Variants in TIMMDC1 observed in about 807,000 individuals in gnomAD.
TIMMDC1 encodes the protein translocase of inner mitochondrial membrane domain containing 1.
A neutral mutation model predicts 32.6 loss-of-function variants in TIMMDC1; 25 were observed. The ratio of observed to expected loss-of-function variants is 0.77; its 90% CI spans 0.56 to 1.07. The LOEUF is 1.07. Ranked by LOEUF, TIMMDC1 falls within the 50% of genes least tolerant of loss-of-function variation. The pLI is 0.00. For synonymous variants in TIMMDC1, 130 were observed against 127.6 expected (o/e 1.02, Z -0.13); for missense variants, 329 against 349.2 (o/e 0.94, Z 0.46).
chr3:119,505,150 T>G (rs1452035779), intron 4 of TIMMDC1, among the ~76,000 whole-genome samples: 1 of 152,060 alleles, frequency 6.6e-6, no homozygotes, highest in Admixed American at 6.5e-5. Context: ...AACGTGTAGG[T>G]TAATTAGCTT....
At chr3:119,500,912 C>A in intron 2 of TIMMDC1, 52 bp downstream of exon 2, 1 of 1,548,276 alleles carries the variant, frequency 6.5e-7, no homozygotes, top group Non-Finnish European at 8.8e-7. Flanking sequence ...TAGTAATTCA[C>A]TTTACACTTA....
chr3:119,511,326 A>T (rs1233001626), intron 4 of TIMMDC1, among the ~76,000 whole-genome samples: 1 of 151,892 alleles, frequency 6.6e-6, no homozygotes, highest in Non-Finnish European at 1.5e-5. Flanking sequence ...AAAAAATAAA[A>T]AAAATAGTTG....
chr3:119,506,552 A>G (rs1320193663), intron 4 of TIMMDC1, among the ~76,000 whole-genome samples: 1 of 150,932 alleles, frequency 6.6e-6, no homozygotes, highest in Non-Finnish European at 1.5e-5. Flanking sequence ...CCAAGGAATG[A>G]TATGGTTCTG....
chr3:119,502,991 C>T (rs1481123453), intron 2 of TIMMDC1, among the ~76,000 whole-genome samples: 1 of 152,104 alleles, frequency 6.6e-6, no homozygotes, highest in Non-Finnish European at 1.5e-5. Flanking sequence ...GTTTTCCCTT[C>T]CCCCCTCTAT....
intron 2 of TIMMDC1, among the ~76,000 whole-genome samples, chr3:119,501,204 C>T (rs2081872379): frequency 6.6e-6 from 1 of 152,184 alleles, no homozygotes; most frequent in Admixed American, 6.5e-5. Context: ...CACACTAAAG[C>T]AATAGTTAAC....
intron 4 of TIMMDC1, among the ~76,000 whole-genome samples, chr3:119,510,427 T>A (rs944570796): frequency 7.2e-5 from 11 of 152,016 alleles, no homozygotes; most frequent in African/African-American, 1.7e-4. Flanking sequence ...CAGGCTTTTT[T>A]AAAAAAACTT....
At chr3:119,518,209 A>G (rs944883088) in intron 6 of TIMMDC1, among the ~76,000 whole-genome samples, 13 of 152,120 alleles carry the variant, frequency 8.5e-5, no homozygotes, top group South Asian at 2.1e-4. Context: ...CACAGATTCA[A>G]TATGTAAGAT....
chr3:119,510,455 A>G (rs1448378877), intron 4 of TIMMDC1, among the ~76,000 whole-genome samples: 1 of 96,702 alleles, frequency 1.0e-5, no homozygotes, highest in South Asian at 4.2e-4. Context: ...TGTCTAAATC[A>G]TATCTAAAAT....
At position 119,498,940 on chromosome 3, in the gene TIMMDC1, A is replaced by C; in HGVS notation, c.194+13A>C. On this transcript the variant is annotated intron_variant, in intron 1 of 6. Transcript: ENST00000494664. ...TGTTTGGCAAAGAGTAAAAGTGCCT[A>C]GGGTGTGAAGTGGGGTAGGGGGCCG... The C allele has an allele frequency of 6.2e-7, 1 of 1,613,376 alleles. No homozygotes were observed. The highest frequency in any genetic ancestry group is 8.5e-7 in the Non-Finnish European group (1 of 1,179,472).
chr3:119,522,835 T>TGA (rs1400870883), intron 6 of TIMMDC1, among the ~76,000 whole-genome samples: 1 of 147,022 alleles, frequency 6.8e-6, no homozygotes, highest in African/African-American at 2.6e-5. Context: ...TGTGTGTGTG[T>TGA]GAGATATTTC....
At chr3:119,505,063 AGT>A (rs1448775409) in intron 4 of TIMMDC1, among the ~76,000 whole-genome samples, 1 of 147,624 alleles carries the variant, frequency 6.8e-6, no homozygotes, top group African/African-American at 2.5e-5. Flanking sequence ...GGGCAACAAG[AGT>A]GAAACTCTTG....
At chr3:119,501,468 G>C (rs1485201852) in intron 2 of TIMMDC1, among the ~76,000 whole-genome samples, 2 of 152,026 alleles carry the variant, frequency 1.3e-5, no homozygotes, top group African/African-American at 2.4e-5. Flanking sequence ...TGAGCTACTT[G>C]ACAGTAGGTT....
Position 119,524,800 on chromosome 3 carries a change from G to T in TIMMDC1, c.*1044G>T, listed in dbSNP as rs542020330. 3.3e-5 allele frequency: 5 copies of T among 152,310 alleles called. No homozygotes were observed. In the South Asian group the frequency reaches 1.0e-3, roughly 32 times the overall value. The allele number at this position is 152,310 out of a possible 1,614,324, so 9.4% of individuals were successfully genotyped here. A position where few individuals can be genotyped will look rare whatever the true frequency, so the allele number is the denominator to read the frequency against. On this transcript the variant is annotated 3_prime_UTR_variant, in exon 7 of 7. Coordinates refer to ENST00000494664, the MANE Select transcript of TIMMDC1 (RefSeq NM_016589.4). ...GGCTATGTCTTTCCAGTTCTCTGCT[G>T]ATGTCAGAAAGACCCAGAAATACCA...
chr3:119,506,008 C>T (rs567702004), intron 4 of TIMMDC1, among the ~76,000 whole-genome samples: 1 of 152,166 alleles, frequency 6.6e-6, no homozygotes, highest in Non-Finnish European at 1.5e-5. Context: ...CAGATTCTTT[C>T]ATCACCCAAG....
At chr3:119,506,210 A>G (rs2081917982) in intron 4 of TIMMDC1, among the ~76,000 whole-genome samples, 1 of 152,228 alleles carries the variant, frequency 6.6e-6, no homozygotes, top group Non-Finnish European at 1.5e-5. Flanking sequence ...TCCTGCTGTT[A>G]CGTTCTCTGT....
chr3:119,500,987 T>A (rs2081870476), intron 2 of TIMMDC1, 127 bp downstream of exon 2: 1 of 881,288 alleles, frequency 1.1e-6, no homozygotes, highest in Non-Finnish European at 1.7e-6. Flanking sequence ...AAATAAAGTC[T>A]GTACTTAATA....
intron 6 of TIMMDC1, among the ~76,000 whole-genome samples, chr3:119,520,065 A>G (rs1335688315): frequency 6.6e-6 from 1 of 152,186 alleles, no homozygotes; most frequent in Non-Finnish European, 1.5e-5. Context: ...AAACAAATGA[A>G]AACAGAAACA....
intron 6 of TIMMDC1, among the ~76,000 whole-genome samples, chr3:119,522,958 A>G (rs1476604576): frequency 1.3e-5 from 2 of 152,224 alleles, no homozygotes; most frequent in African/African-American, 4.8e-5. Context: ...CAATGAGCAG[A>G]AAATGTAGAA....
intron 6 of TIMMDC1, among the ~76,000 whole-genome samples, chr3:119,518,893 GACAA>G (rs755978398): frequency 1.3e-5 from 2 of 150,552 alleles, no homozygotes; most frequent in African/African-American, 2.5e-5. Context: ...CAAACAAACA[GACAA>G]ACAAAACCCA....
Sources: gnomAD v4.1 joint callset for allele counts (sites outside exome capture counted in the v4.1 genomes callset) on GRCh38, gnomAD v4.1.1 for gene constraint, MANE v1.5 for transcripts, NCBI Gene and HGNC (gene_info 2026-07-23, HGNC 2026-07-21) for gene names.